Variants in UBIAD1 observed in about 807,000 individuals in gnomAD.
The protein encoded by UBIAD1 is ubiA prenyltransferase domain-containing protein 1.
In UBIAD1, 12 loss-of-function variants were observed where a neutral mutation model predicts 20.1. The ratio of observed to expected loss-of-function variants is 0.60; its 90% CI spans 0.38 to 0.97. The LOEUF (loss-of-function observed/expected upper bound fraction) is 0.97. UBIAD1 is among the 50% of genes least tolerant of loss of function. The probability of loss-of-function intolerance (pLI) is 0.00; values close to 1 mark genes in which losing one functional copy is unlikely to be tolerated. For synonymous variants in UBIAD1, 207 were observed against 189.2 expected, an observed-to-expected ratio of 1.09 and a Z score of -0.77; for missense variants, 333 against 419.5, an observed-to-expected ratio of 0.79 and a Z score of 1.80.
chr1:11,275,761 T>G (rs1200411264), intron 1 of UBIAD1, among the ~76,000 whole-genome samples: 2 of 151,482 alleles, frequency 1.3e-5, no homozygotes, highest in African/African-American at 4.9e-5. Context: ...AGTATTTGAG[T>G]TGAGTTACAT....
In UBIAD1 at chr1:11,273,675, C is replaced by T; in HGVS notation, c.144C>T (p.Ser48=). The part of the protein sequence containing the change: ...PQRSWRQKCA[S]YVLALRPWSF... ...GCTCCTGGAGGCAGAAGTGTGCCTC[C>T]TACGTGTTGGCCCTGAGGCCCTGGA... Residue 48 remains serine (S), a synonymous_variant, in exon 1 of 2, where the codon TCC becomes TCT. Transcript: ENST00000376810. This position sits in a 1 kb window ranked among gnomAD's most constrained non-coding sequence, Gnocchi z 4.9. The T allele has an allele frequency of 6.2e-7, 1 of 1,614,184 alleles. No individual in the cohort carries two copies. Among genetic ancestry groups the T allele is most frequent in the Non-Finnish European group, 8.5e-7 (1 of 1,180,028 alleles).
rs1230182750 is a variant in UBIAD1 at position 11,287,598 on chromosome 1, A to G, written c.*1467A>G. On this transcript the variant is annotated 3_prime_UTR_variant, in exon 2 of 2. Transcript: ENST00000376810. ...ATGATGATATGGAACCTTGAGTTCG[A>G]ATTGATTGGTTTACTTGGAAAAAAA... The G allele has an allele frequency of 6.6e-6, 1 of 152,208 alleles. No homozygotes were observed. The highest frequency in any genetic ancestry group is 1.5e-5 in the Non-Finnish European group (1 of 68,026). 9.4% of individuals were successfully genotyped at this position (152,208 alleles called of 1,614,324 possible).
chr1:11,291,895 A>G (rs1638373350), downstream of UBIAD1, among the ~76,000 whole-genome samples: 1 of 152,104 alleles, frequency 6.6e-6, no homozygotes, highest in African/African-American at 2.4e-5. Context: ...TTTTTTTTAA[A>G]ACTTTTTTTT....
At chr1:11,275,278 T>C (rs939228664) in intron 1 of UBIAD1, among the ~76,000 whole-genome samples, 4 of 152,204 alleles carry the variant, frequency 2.6e-5, no homozygotes, top group African/African-American at 9.7e-5. Context: ...AAGTCGGATG[T>C]GCGACTTCTG....
At position 11,288,220 on chromosome 1, in the gene UBIAD1, A is replaced by G. The variant is rs1186974711; in HGVS notation, c.*2089A>G. ...CAAGGGCTCCCTGCGTCCACGGACC[A>G]CGTATGCCTTGGTGGTCACTCCCAT... is the stretch of plus-strand genomic sequence containing the variant. On this transcript the variant is annotated 3_prime_UTR_variant, in exon 2 of 2. Transcript: ENST00000376810. 2.0e-5 allele frequency: 3 copies of G among 152,136 alleles called. No homozygotes were observed. Among genetic ancestry groups the G allele is most frequent in the Non-Finnish European group, 4.4e-5 (3 of 68,036 alleles). 9.4% of individuals were successfully genotyped at this position (152,136 alleles called of 1,614,324 possible).
At chr1:11,282,021 T>G (rs542475583) in intron 1 of UBIAD1, among the ~76,000 whole-genome samples, 1 of 152,358 alleles carries the variant, frequency 6.6e-6, no homozygotes, top group East Asian at 1.9e-4. Context: ...TTTGGATTGC[T>G]TCCATATTTT....
In UBIAD1 at chr1:11,273,632, A is replaced by T. The variant is rs909479290; in HGVS notation, c.101A>T (p.Gln34Leu). Residue 34 changes from glutamine (Q) to leucine (L), a missense_variant, in exon 1 of 2, where the codon CAA (glutamine) becomes CTA (leucine). This residue lies in a region of UBIAD1 where 57 missense variants were observed against 54.7 expected (regional missense o/e 1.04). Transcript: ENST00000376810. This position sits in a 1 kb window ranked among gnomAD's most constrained non-coding sequence, Gnocchi z 4.9. ...RDPLGNDCPEQDRLPQRSWRQ... is the reference protein window; with the variant it reads ...RDPLGNDCPELDRLPQRSWRQ... Reference sequence around the variant, plus strand: ...CCGCTGGGGAACGACTGTCCCGAGCAAGATAGGCTCCCCCAGCGCTCCTGG... The same window carrying T: ...CCGCTGGGGAACGACTGTCCCGAGCTAGATAGGCTCCCCCAGCGCTCCTGG... The T allele has an allele frequency of 1.2e-6, 2 of 1,614,134 alleles. No homozygotes were observed. The highest frequency in any genetic ancestry group is 1.7e-6 in the Non-Finnish European group (2 of 1,180,040).
downstream of UBIAD1, among the ~76,000 whole-genome samples, chr1:11,291,744 A>C (rs2101027553): frequency 6.6e-6 from 1 of 152,288 alleles, no homozygotes; most frequent in African/African-American, 2.4e-5. Context: ...TCTCAGTGTA[A>C]GAACCACACT....
Position 11,286,062 on chromosome 1 carries a change from C to T in UBIAD1, c.948C>T (p.Asn316=). ...NKLPQRTAKL[N]LLLGLFYVFG... Reference sequence around the variant, plus strand: ...TGCCCCAGAGGACTGCCAAGCTCAACCTCCTGCTGGGACTTTTCTATGTCT... The same window carrying T: ...TGCCCCAGAGGACTGCCAAGCTCAATCTCCTGCTGGGACTTTTCTATGTCT... The change falls in exon 2 of 2, where the codon AAC becomes AAT. Residue 316 remains asparagine, a synonymous_variant. Coordinates refer to ENST00000376810, the MANE Select transcript of UBIAD1 (RefSeq NM_013319.3). 1 of 1,614,194 alleles carries T rather than the reference C, an allele frequency of 6.2e-7. No individual in the cohort carries two copies. Among genetic ancestry groups the T allele is most frequent in the Non-Finnish European group, 8.5e-7 (1 of 1,180,026 alleles).
At chr1:11,283,013 A>T (rs961981869) in intron 1 of UBIAD1, among the ~76,000 whole-genome samples, 2 of 150,660 alleles carry the variant, frequency 1.3e-5, no homozygotes, top group African/African-American at 4.9e-5. Flanking sequence ...GACATGCGCC[A>T]CTACACCCGG....
chr1:11,274,197 T>C (rs1395624766), intron 1 of UBIAD1, 137 bp downstream of exon 1: 2 of 1,143,258 alleles, frequency 1.7e-6, no homozygotes, highest in African/African-American at 3.1e-5. Flanking sequence ...TAATTGTGGG[T>C]GATGTGAATT....
At chr1:11,293,047 C>T (rs78891208), downstream of UBIAD1, among the ~76,000 whole-genome samples, 71 of 152,270 alleles carry the variant, frequency 4.7e-4, 1 homozygote, top group Non-Finnish European at 7.9e-4. Flanking sequence ...GGCTTGCAAA[C>T]GGCTTCCTGG....
chr1:11,283,899 T>TG (rs1472806021), intron 1 of UBIAD1, among the ~76,000 whole-genome samples: 5 of 152,172 alleles, frequency 3.3e-5, no homozygotes, highest in Non-Finnish European at 7.4e-5. Flanking sequence ...GTCACCTCCC[T>TG]CAGTGGGCAG....
intron 1 of UBIAD1, chr1:11,293,559 C>T (rs1569912106): frequency 6.6e-6 from 1 of 152,338 alleles, no homozygotes; most frequent in East Asian, 1.9e-4. Flanking sequence ...AGGGCTGGGC[C>T]CTCCAGGGCT....
chr1:11,278,507 G>T, intron 1 of UBIAD1: 1 of 515,492 alleles, frequency 1.9e-6, no homozygotes, highest in Non-Finnish European at 3.0e-6. Flanking sequence ...ACCAGCCGGA[G>T]TTCTTTTATT....
At chr1:11,292,668 T>TATACACACACACACACAC (rs1223161585), downstream of UBIAD1, among the ~76,000 whole-genome samples, 2 of 140,742 alleles carry the variant, frequency 1.4e-5, no homozygotes, top group East Asian at 2.1e-4. Flanking sequence ...ATTTTATGTA[T>TATACACACACACACACAC]ACACACACAC....
intron 1 of UBIAD1, chr1:11,278,742 T>G: frequency 1.5e-6 from 1 of 683,048 alleles, no homozygotes; most frequent in East Asian, 3.0e-5. Context: ...AACACTGGTG[T>G]GCTGCGGTCA....
downstream of UBIAD1, among the ~76,000 whole-genome samples, chr1:11,298,091 G>C (rs1363856475): frequency 6.6e-6 from 1 of 151,914 alleles, no homozygotes; most frequent in South Asian, 2.1e-4. The surrounding 1 kb of genome is among the most constrained non-coding windows in gnomAD (Gnocchi z 4.0). Context: ...CTCCCGAATA[G>C]CTGGGATTAC....
chr1:11,282,266 T>G (rs141039667), intron 1 of UBIAD1, among the ~76,000 whole-genome samples: 9 of 152,346 alleles, frequency 5.9e-5, no homozygotes, highest in African/African-American at 2.2e-4. Flanking sequence ...AACAGATTCA[T>G]TCTGGCTGCC....
Sources: gnomAD v4.1 joint callset for allele counts (sites outside exome capture counted in the v4.1 genomes callset) on GRCh38, gnomAD v4.1.1 for gene constraint, gnomAD v4.1.1 regional missense constraint, Gnocchi (gnomAD v3.1) non-coding constraint, MANE v1.5 for transcripts, NCBI Gene and HGNC (gene_info 2026-07-23, HGNC 2026-07-21) for gene names.